Variants in MGAT4C observed in about 807,000 individuals in gnomAD.
The protein encoded by MGAT4C is MGAT4 family member C.
Under a neutral mutation model 40.1 loss-of-function variants are expected in MGAT4C, and 19 were observed. The ratio of observed to expected loss-of-function variants is 0.47; its 90% confidence interval spans 0.33 to 0.70. MGAT4C has a LOEUF of 0.70. Ranked by LOEUF, MGAT4C falls within the 30% of genes least tolerant of loss-of-function variation. The pLI is 0.02. For synonymous variants in MGAT4C, 181 were observed against 187.1 expected (o/e 0.97, Z 0.27); for missense variants, 491 against 563.2 (o/e 0.87, Z 1.30).
chr12:86,632,650 C>T (rs1051123462), intron 2 of MGAT4C, among the ~76,000 whole-genome samples: 9 of 151,560 alleles, frequency 5.9e-5, no homozygotes, highest in Non-Finnish European at 8.8e-5. Context: ...AGCAAACTAT[C>T]GCAAGGACAG....
chr12:86,728,875 C>T (rs1249884654), intron 1 of MGAT4C, among the ~76,000 whole-genome samples: 1 of 152,124 alleles, frequency 6.6e-6, no homozygotes, highest in Admixed American at 6.6e-5. Flanking sequence ...TTTGTCTTAG[C>T]ATTATATCTT....
rs972088145 is a variant in MGAT4C at position 86,011,853 on chromosome 12, C to G, written c.-6-22301G>C. 6 of 985,074 alleles carry G rather than the reference C, an allele frequency of 6.1e-6. No individual in the cohort carries two copies. The African/African-American group carries it at 1.0e-4, about 17-fold the overall frequency. 61.0% of individuals were successfully genotyped at this position (985,074 alleles called of 1,614,324 possible). On this transcript the variant is annotated intron_variant, in intron 2 of 4. Transcript: ENST00000611864. ...TAAAACTTTGGTCTCAAATTTGCAA[C>G]CAGGTGAGCACACCCTGATAATATA...
chr12:86,328,310 T>G (rs1954574668), intron 4 of MGAT4C, among the ~76,000 whole-genome samples: 1 of 152,132 alleles, frequency 6.6e-6, no homozygotes, highest in South Asian at 2.1e-4. Flanking sequence ...GATTCAACAT[T>G]GTAATAGAAG....
chr12:85,965,207 T>G lies in MGAT4C; in HGVS notation c.*14082A>C, dbSNP rs1240146555. The G allele has an allele frequency of 1.3e-5, 2 of 152,172 alleles. No individual in the cohort carries two copies. The highest frequency in any genetic ancestry group is 4.8e-5 in the African/African-American group (2 of 41,438). The allele number at this position is 152,172 out of a possible 1,614,324, so 9.4% of individuals were successfully genotyped here. Reference sequence around the variant, plus strand: ...CATATGTATACATGTGCCATGTTGGTGTTCTGCATCTTAAGAGAAGACTAT... The same window carrying G: ...CATATGTATACATGTGCCATGTTGGGGTTCTGCATCTTAAGAGAAGACTAT... On this transcript the variant is annotated 3_prime_UTR_variant, in exon 5 of 5. Transcript: ENST00000611864.
intron 3 of MGAT4C, among the ~76,000 whole-genome samples, chr12:86,349,875 T>C (rs1955122922): frequency 6.6e-6 from 1 of 152,134 alleles, no homozygotes; most frequent in Non-Finnish European, 1.5e-5. Flanking sequence ...CAATACCTTC[T>C]TTCTAATCTA....
intron 2 of MGAT4C, among the ~76,000 whole-genome samples, chr12:86,461,208 C>G (rs1040880145): frequency 1.3e-5 from 2 of 149,628 alleles, no homozygotes; most frequent in African/African-American, 4.9e-5. Context: ...CCAAATAAAG[C>G]AAATTTTTAA....
chr12:86,219,350 AATG>A (rs1396205397), intron 1 of MGAT4C, among the ~76,000 whole-genome samples: 13 of 116,220 alleles, frequency 1.1e-4, no homozygotes, highest in Admixed American at 2.9e-4. Context: ...GTTATGAAAA[AATG>A]ATGAGGTGAC....
chr12:86,451,968 A>T (rs552867896), intron 2 of MGAT4C, among the ~76,000 whole-genome samples: 21 of 152,180 alleles, frequency 1.4e-4, no homozygotes, highest in Middle Eastern at 3.4e-3. Flanking sequence ...AGTAAACCTG[A>T]GTGACTATTC....
chr12:86,555,128 T>C (rs1478017167), intron 2 of MGAT4C, among the ~76,000 whole-genome samples: 8 of 151,838 alleles, frequency 5.3e-5, no homozygotes, highest in Admixed American at 2.0e-4. Flanking sequence ...TGGATAATAC[T>C]AGATAAACAC....
At chr12:86,502,360 T>A (rs1958362173) in intron 2 of MGAT4C, among the ~76,000 whole-genome samples, 2 of 151,784 alleles carry the variant, frequency 1.3e-5, no homozygotes, top group South Asian at 2.1e-4. Context: ...GAAGAAAATA[T>A]CATTAGGTAG....
intron 2 of MGAT4C, among the ~76,000 whole-genome samples, chr12:86,505,918 G>C (rs188800965): frequency 7.2e-5 from 11 of 152,038 alleles, no homozygotes; most frequent in Admixed American, 6.6e-4. Flanking sequence ...ATTTTAAACA[G>C]AAGAAGGCAG....
intron 1 of MGAT4C, among the ~76,000 whole-genome samples, chr12:86,818,724 C>T (rs955919702): frequency 1.3e-5 from 2 of 151,088 alleles, no homozygotes; most frequent in Non-Finnish European, 3.0e-5. Flanking sequence ...AGAGCAAGGA[C>T]AATTGGATTT....
At chr12:86,171,153 C>T (rs558806129) in intron 1 of MGAT4C, among the ~76,000 whole-genome samples, 2 of 151,110 alleles carry the variant, frequency 1.3e-5, no homozygotes, top group African/African-American at 4.8e-5. Context: ...GGGTGGATCA[C>T]GAGGTCAGGA....
intron 1 of MGAT4C, among the ~76,000 whole-genome samples, chr12:86,051,996 C>T (rs908513267): frequency 2.6e-5 from 4 of 151,396 alleles, no homozygotes; most frequent in Non-Finnish European, 5.9e-5. Flanking sequence ...GTAGAATTTT[C>T]TATAAATTGG....
At chr12:85,984,718 T>TTC (rs903236910) in intron 3 of MGAT4C, among the ~76,000 whole-genome samples, 7 of 151,866 alleles carry the variant, frequency 4.6e-5, no homozygotes, top group Admixed American at 2.0e-4. Context: ...AAAGAAATAT[T>TTC]TCTCTCTCTC....
intron 2 of MGAT4C, among the ~76,000 whole-genome samples, chr12:86,525,032 C>G (rs1407803737): frequency 6.6e-6 from 1 of 152,012 alleles, no homozygotes. Flanking sequence ...TAATGATATT[C>G]GATTATATTG....
intron 4 of MGAT4C, among the ~76,000 whole-genome samples, chr12:86,295,661 T>A (rs940117857): frequency 3.3e-5 from 5 of 152,172 alleles, no homozygotes; most frequent in African/African-American, 1.2e-4. Context: ...TGCTGATTGG[T>A]AGAGCCGAGT....
intron 3 of MGAT4C, among the ~76,000 whole-genome samples, chr12:86,366,130 A>T (rs972538850): frequency 6.6e-6 from 1 of 151,992 alleles, no homozygotes; most frequent in Non-Finnish European, 1.5e-5. Context: ...ATTCCCAGGT[A>T]TTTCATTTTG....
intron 3 of MGAT4C, among the ~76,000 whole-genome samples, chr12:86,372,203 A>C (rs560210639): frequency 6.6e-6 from 1 of 151,992 alleles, no homozygotes; most frequent in African/African-American, 2.4e-5. Context: ...TATTATTTTT[A>C]ATATGACATC....
Sources: gnomAD v4.1 joint callset for allele counts (sites outside exome capture counted in the v4.1 genomes callset) on GRCh38, gnomAD v4.1.1 for gene constraint, MANE v1.5 for transcripts, NCBI Gene and HGNC (gene_info 2026-07-23, HGNC 2026-07-21) for gene names.